The following MSL3 variants were observed in gnomAD, a reference collection of about 807,000 sequenced individuals.
MSL3 encodes MSL complex subunit 3.
A neutral mutation model predicts 37.2 loss-of-function variants in MSL3; 5 were observed. The ratio of observed to expected loss-of-function variants is 0.13; its 90% CI spans 0.07 to 0.28. MSL3 has a LOEUF of 0.28. Ranked by LOEUF, MSL3 falls within the 10% of genes least tolerant of loss-of-function variation. The pLI, the probability that MSL3 is intolerant of heterozygous loss-of-function variation, is 1.00. For missense variants in MSL3, 315 were observed against 408.5 expected (o/e 0.77, Z 1.97); for synonymous variants, 149 against 147.6 (o/e 1.01, Z -0.07).
intron 7 of MSL3, among the ~76,000 whole-genome samples, 157 bp from the exon 8 acceptor site, chrX:11,763,623 A>C (rs913457973): frequency 2.7e-5 from 3 of 112,779 alleles, no homozygotes; most frequent in Non-Finnish European, 5.6e-5. Flanking sequence ...TGTAATCTTG[A>C]CAGTAGCTAC....
intron 8 of MSL3, 71 bp from the exon 9 acceptor site, chrX:11,765,396 G>C (rs1171253945): frequency 2.7e-6 from 3 of 1,119,318 alleles, no homozygotes; most frequent in Non-Finnish European, 3.6e-6. Flanking sequence ...AGAGCATTTC[G>C]TGTCTTCAGA....
rs373632303 is a variant in MSL3, at chrX:11,759,925, A to G, written c.185+50A>G. The G allele has an allele frequency of 2.4e-5, 28 of 1,172,195 alleles. No individual in the cohort carries two copies. The African/African-American group carries it at 4.6e-4, about 19-fold the overall frequency. On this transcript the variant is annotated intron_variant, in intron 2 of 12. Coordinates refer to ENST00000312196, the MANE Select transcript of MSL3 (RefSeq NM_078629.4). ...TGAAAATTGATTGTCTTTGCTGCAT[A>G]GAAACATTGCAGACTTAAGTTTCAG...
chrX:11,758,457 G>T (rs2053093166), intron 1 of MSL3, 92 bp downstream of exon 1: 1 of 940,287 alleles, frequency 1.1e-6, no homozygotes, highest in Non-Finnish European at 1.4e-6. Flanking sequence ...GGAGCTGAGG[G>T]ACCGGCCGGG....
At chrX:11,760,801 C>A in intron 3 of MSL3, 36 bp from the exon 4 acceptor site, 1 of 1,100,557 alleles carries the variant, frequency 9.1e-7, no homozygotes, top group Non-Finnish European at 1.2e-6. Flanking sequence ...AGTTCAATGT[C>A]AAAACTTATT....
intron 3 of MSL3, 52 bp from the exon 4 acceptor site, chrX:11,760,785 C>A: frequency 2.1e-6 from 2 of 958,311 alleles, no homozygotes; most frequent in Non-Finnish European, 2.9e-6. Flanking sequence ...GATCTCAAGA[C>A]TCACGAGTTC....
At chrX:11,760,043 G>C (rs1167210201) in intron 2 of MSL3, 168 bp downstream of exon 2, 1 of 533,191 alleles carries the variant, frequency 1.9e-6, no homozygotes, top group Non-Finnish European at 2.9e-6. Flanking sequence ...AGAGAAGTTT[G>C]TTTCATTTCC....
chrX:11,770,607 C>A (rs1046481621), intron 10 of MSL3, among the ~76,000 whole-genome samples: 1 of 111,503 alleles, frequency 9.0e-6, no homozygotes. Context: ...AGGGCTCTTT[C>A]TCTCAGTTCC....
chrX:11,767,350 GT>G, intron 9 of MSL3: 3 of 604,546 alleles, frequency 5.0e-6, no homozygotes, highest in Non-Finnish European at 6.0e-6. Flanking sequence ...CACATTTAAA[GT>G]TTTTAGTGTC....
chrX:11,768,823 T>G (rs781015886), intron 10 of MSL3, 141 bp downstream of exon 10: 24 of 446,530 alleles, frequency 5.4e-5, no homozygotes, highest in Non-Finnish European at 9.0e-5. Context: ...AATTTTATGC[T>G]TAACACTGTG....
rs1455131872 is a variant in MSL3, at chrX:11,760,922, G to C, written c.367G>C (p.Glu123Gln). ...LKGLPTEEKD[E>Q]NDENSLSSSS... Reference sequence around the variant, plus strand: ...AGGCCTCCCCACTGAAGAAAAAGATGAAAATGATGAAAACTGTGAGTAGCT... The same window carrying C: ...AGGCCTCCCCACTGAAGAAAAAGATCAAAATGATGAAAACTGTGAGTAGCT... Residue 123 changes from glutamate (E) to glutamine (Q), a missense_variant, in exon 4 of 13, where the codon GAA becomes CAA. Glu to Gln is a conservative substitution (Grantham distance 29, BLOSUM62 2). Coordinates refer to ENST00000312196, the MANE Select transcript of MSL3 (RefSeq NM_078629.4). The C allele has an allele frequency of 5.1e-6, 6 of 1,185,342 alleles. No individual in the cohort carries two copies. The highest frequency in any genetic ancestry group is 2.3e-4 in the Middle Eastern group (1 of 4,305).
chrX:11,771,942 T>C (rs188537077), intron 10 of MSL3, among the ~76,000 whole-genome samples: 2 of 112,477 alleles, frequency 1.8e-5, no homozygotes, highest in Admixed American at 1.9e-4. Context: ...CAGTTATTTA[T>C]AGAGAATAAC....
intron 8 of MSL3, chrX:11,764,357 T>G (rs2053160941): frequency 8.7e-6 from 1 of 114,891 alleles, no homozygotes. Flanking sequence ...AAGGCAGGCC[T>G]AGCTAGTAGT....
At chrX:11,763,050 G>C in intron 7 of MSL3, 53 bp downstream of exon 7, 1 of 1,034,060 alleles carries the variant, frequency 9.7e-7, no homozygotes, top group Non-Finnish European at 1.3e-6. Context: ...TAGAGAGGTG[G>C]CTTCCATTTA....
Position 11,765,560 on chromosome X carries a change from C to A in MSL3, c.1002C>A (p.Thr334=), listed in dbSNP as rs143868636. The A allele has an allele frequency of 8.3e-6, 10 of 1,209,370 alleles. No individual in the cohort carries two copies. The African/African-American group carries it at 1.6e-4, about 19-fold the overall frequency. Residue 334 remains threonine (T), a synonymous_variant, in exon 9 of 13, where the codon ACC becomes ACA. Transcript: ENST00000312196. The stretch of plus-strand genomic sequence containing the variant: ...AGCCGACCACCGGTGAACCAGCCAC[C>A]CCCAAAAGGCGCAAAGCTGAGCCAG... ...ESQPTTGEPA[T]PKRRKAEPEA... is the part of the protein sequence containing the mutation.
chrX:11,766,328 A>G (rs2053183008), intron 9 of MSL3: 1 of 751,559 alleles, frequency 1.3e-6, no homozygotes, highest in Admixed American at 8.6e-5. Context: ...ATTTGCTGTA[A>G]TATAAAACTT....
rs780983404 is a variant in MSL3, at chrX:11,763,985, A to G, written c.908+47A>G. 2.0e-5 allele frequency: 22 copies of G among 1,076,259 alleles called. No individual in the cohort carries two copies. The Admixed American group carries it at 4.9e-4, about 24-fold the overall frequency. 88.7% of individuals were successfully genotyped at this position (1,076,259 alleles called of 1,213,427 possible). On this transcript the variant is annotated intron_variant, in intron 8 of 12. Transcript: ENST00000312196. The stretch of plus-strand genomic sequence containing the variant: ...TTCACCCTCACATGTCAGCAGTACA[A>G]TGATCAGATCCTTGTTTTGAAGAGT...
At chrX:11,765,393 T>C in intron 8 of MSL3, 74 bp from the exon 9 acceptor site, 1 of 1,113,440 alleles carries the variant, frequency 9.0e-7, no homozygotes, top group Non-Finnish European at 1.2e-6. Flanking sequence ...GAGAGAGCAT[T>C]TCGTGTCTTC....
At chrX:11,765,354 C>T (rs1385278968) in intron 8 of MSL3, 113 bp from the exon 9 acceptor site, 10 of 921,930 alleles carry the variant, frequency 1.1e-5, no homozygotes, top group African/African-American at 2.0e-5. Context: ...CAAGTGACTT[C>T]GGTACATATT....
intron 12 of MSL3, among the ~76,000 whole-genome samples, chrX:11,772,953 T>C (rs1382151657): frequency 1.8e-5 from 2 of 111,887 alleles, no homozygotes; most frequent in African/African-American, 6.5e-5. Context: ...TTTGTCTCAC[T>C]AGAAGAATTT....
Sources: gnomAD v4.1 joint callset for allele counts (sites outside exome capture counted in the v4.1 genomes callset) on GRCh38, gnomAD v4.1.1 for gene constraint, MANE v1.5 for transcripts, NCBI Gene and HGNC (gene_info 2026-07-23, HGNC 2026-07-21) for gene names.